The following EFCAB8 variants were observed in gnomAD, a reference collection of about 807,000 sequenced individuals.
EFCAB8 encodes the protein EF-hand calcium binding domain 8, also known as EF-hand calcium-binding domain-containing protein 8.
In EFCAB8, 100 loss-of-function variants were observed where a neutral mutation model predicts 116.3. That is an observed-to-expected ratio of 0.86 (90% CI 0.73 to 1.02). The LOEUF is 1.02. Ranked by LOEUF, EFCAB8 falls within the 50% of genes least tolerant of loss-of-function variation. The pLI is 0.00. For missense variants in EFCAB8, 1,320 were observed against 1,416.9 expected (o/e 0.93, Z 1.10); for synonymous variants, 558 against 567.9 (o/e 0.98, Z 0.25).
chr20:32,959,965 G>T lies in EFCAB8; in HGVS notation c.3277G>T (p.Glu1093Ter), dbSNP rs1394612741. 1 of 1,551,718 alleles carries T rather than the reference G, an allele frequency of 6.4e-7. No homozygotes were observed. Residue 1093 changes from glutamate (E) to a stop codon, truncating the protein, a stop_gained, in exon 25 of 27, where the codon GAG becomes TAG. Coordinates refer to ENST00000400522, the MANE Select transcript of EFCAB8 (RefSeq NM_001143967.2). LOFTEE classifies it high-confidence loss of function. ...EDIEDSWNKW[E>*]SRDKQVSKVL... ...CATTGAGGACAGCTGGAACAAGTGG[G>T]AGTCCAGGGACAAGCAGGTGAGGCT... is the stretch of plus-strand genomic sequence containing the variant.
At chr20:32,885,278 A>G (rs1476532788) in intron 5 of EFCAB8, among the ~76,000 whole-genome samples, 1 of 152,176 alleles carries the variant, frequency 6.6e-6, no homozygotes, top group East Asian at 1.9e-4. Context: ...CCCGCCTCAT[A>G]TCAGCTTCTA....
At chr20:32,911,132 G>A (rs932041352) in intron 15 of EFCAB8, among the ~76,000 whole-genome samples, 1 of 152,192 alleles carries the variant, frequency 6.6e-6, no homozygotes, top group Admixed American at 6.6e-5. Flanking sequence ...TCCCTACTTA[G>A]GGGGCAGTTA....
chr20:32,950,626 G>A (rs1278383960), intron 23 of EFCAB8, among the ~76,000 whole-genome samples: 1 of 152,156 alleles, frequency 6.6e-6, no homozygotes, highest in African/African-American at 2.4e-5. Flanking sequence ...TTGTGTGTCT[G>A]TTCCCATACA....
chr20:32,897,364 A>G (rs537303491), intron 10 of EFCAB8, among the ~76,000 whole-genome samples: 10 of 151,844 alleles, frequency 6.6e-5, no homozygotes, highest in Non-Finnish European at 1.2e-4. Context: ...TGGGCTCCCA[A>G]TACATTTGCT....
At chr20:32,896,091 A>G (rs1307436985) in intron 9 of EFCAB8, among the ~76,000 whole-genome samples, 1 of 152,222 alleles carries the variant, frequency 6.6e-6, no homozygotes, top group Non-Finnish European at 1.5e-5. Context: ...TCAGAACAAA[A>G]AGAGCCTAGA....
chr20:32,918,438 A>G lies in EFCAB8; in HGVS notation c.2138A>G (p.Tyr713Cys), dbSNP rs373893714. Residue 713 changes from tyrosine (Y) to cysteine (C), a missense_variant, in exon 19 of 27, where the codon TAC becomes TGC. Coordinates refer to ENST00000400522, the MANE Select transcript of EFCAB8 (RefSeq NM_001143967.2). ...TATGTGGAGCGGGAGAAGTGGACAT[A>G]CAAGACCTCCAGGAAGCTCTCCAGT... is the stretch of plus-strand genomic sequence containing the variant. ...RPYVEREKWTYKTSRKLSSLS... is the reference protein window; with the variant it reads ...RPYVEREKWTCKTSRKLSSLS... The G allele has an allele frequency of 3.9e-6, 6 of 1,551,626 alleles. No individual in the cohort carries two copies. The highest frequency in any genetic ancestry group is 5.2e-6 in the Non-Finnish European group (6 of 1,147,008).
Position 32,961,676 on chromosome 20 carries a change from C to T in EFCAB8, c.*67C>T, listed in dbSNP as rs976870669. 40 of 978,238 alleles carry T rather than the reference C, an allele frequency of 4.1e-5. No individual in the cohort carries two copies. The highest frequency in any genetic ancestry group is 9.3e-5 in the South Asian group (2 of 21,612). The allele number at this position is 978,238 out of a possible 1,614,324, so 60.6% of individuals were successfully genotyped here. A position where few individuals can be genotyped will look rare whatever the true frequency, so the allele number is the denominator to read the frequency against. On this transcript the variant is annotated 3_prime_UTR_variant, in exon 27 of 27. Transcript: ENST00000400522. ...GGCCCATGGCGGTCCTGCATGTTCT[C>T]GGCTTATTCCCTACCAGACCCAGAG...
intron 22 of EFCAB8, among the ~76,000 whole-genome samples, chr20:32,932,511 C>A (rs994608342): frequency 6.6e-6 from 1 of 152,184 alleles, no homozygotes; most frequent in Non-Finnish European, 1.5e-5. Flanking sequence ...CCTGTTCCCC[C>A]AAACAGTTCA....
chr20:32,885,139 C>T (rs1032086619), intron 5 of EFCAB8, among the ~76,000 whole-genome samples: 1 of 28,380 alleles, frequency 3.5e-5, no homozygotes, highest in African/African-American at 7.4e-5. Context: ...CTCACCCTCT[C>T]CTGGGCAGTT....
chr20:32,940,023 C>CCCTT (rs757461144), intron 22 of EFCAB8, among the ~76,000 whole-genome samples: 2,567 of 56,014 alleles, frequency 0.046, 222 homozygotes, highest in East Asian at 0.11. Context: ...CTCCCTCCCT[C>CCCTT]CCTTCCTTCC....
chr20:32,902,362 A>G (rs1436487239), intron 11 of EFCAB8, among the ~76,000 whole-genome samples: 1 of 152,122 alleles, frequency 6.6e-6, no homozygotes, highest in Non-Finnish European at 1.5e-5. Flanking sequence ...GGTAGGGTAG[A>G]GAATATATTT....
chr20:32,893,542 G>A lies in EFCAB8; in HGVS notation c.883+244G>A, dbSNP rs540300776. Among the ~76,000 whole-genome samples the A allele has an allele frequency of 2.0e-4, 30 of 152,284 alleles. 1 individual carries two copies. The highest frequency in any genetic ancestry group is 7.2e-4 in the African/African-American group (30 of 41,562). On this transcript the variant is annotated intron_variant, in intron 9 of 26. Coordinates refer to ENST00000400522, the MANE Select transcript of EFCAB8 (RefSeq NM_001143967.2). ...CCTCTCTGAGGATGGGAGGCTGTGC[G>A]GGTGCGGTCTGGGGGTGCAGGACAC...
intron 8 of EFCAB8, 91 bp downstream of exon 8, chr20:32,892,388 A>G (rs1985963518): frequency 2.5e-6 from 3 of 1,184,588 alleles, no homozygotes; most frequent in Non-Finnish European, 3.6e-6. Context: ...GGCCCCCAGA[A>G]AGCCTCCTTG....
intron 20 of EFCAB8, among the ~76,000 whole-genome samples, chr20:32,929,534 G>A (rs1987812306): frequency 7.7e-6 from 1 of 130,656 alleles, no homozygotes; most frequent in Non-Finnish European, 1.6e-5. Flanking sequence ...ATAGAGATAG[G>A]GTCTCACTAT....
intron 20 of EFCAB8, 33 bp from the exon 21 acceptor site, chr20:32,930,365 C>G (rs1012180300): frequency 6.5e-7 from 1 of 1,531,614 alleles, no homozygotes; most frequent in Admixed American, 2.0e-5. Context: ...TGGCTCACAG[C>G]CCTGCTGAGC....
At chr20:32,897,510 A>G (rs2146219909) in intron 10 of EFCAB8, among the ~76,000 whole-genome samples, 1 of 149,372 alleles carries the variant, frequency 6.7e-6, no homozygotes, top group African/African-American at 2.5e-5. Context: ...TGGTGCGATC[A>G]TGGCTCACTG....
At chr20:32,902,783 C>A (rs1234617687) in intron 11 of EFCAB8, among the ~76,000 whole-genome samples, 2 of 152,240 alleles carry the variant, frequency 1.3e-5, no homozygotes, top group African/African-American at 2.4e-5. Context: ...CAGCCTCAGC[C>A]TCCAAGGCAG....
chr20:32,875,478 T>C (rs62208880), intron 3 of EFCAB8, among the ~76,000 whole-genome samples: 58,361 of 144,098 alleles, frequency 0.41, 14,033 homozygotes, highest in Non-Finnish European at 0.54. Flanking sequence ...TGCCTTGAAC[T>C]GAGCACACCT....
chr20:32,905,195 C>T (rs564041875), intron 11 of EFCAB8, among the ~76,000 whole-genome samples: 2 of 152,274 alleles, frequency 1.3e-5, no homozygotes, highest in East Asian at 3.9e-4. Context: ...GACCCCTGTG[C>T]GGGAGGAGTA....
Sources: allele counts gnomAD v4.1 joint callset (sites outside exome capture counted in the v4.1 genomes callset), GRCh38; gene constraint gnomAD v4.1.1; transcripts MANE v1.5; gene names NCBI Gene and HGNC (gene_info 2026-07-23, HGNC 2026-07-21).